The following RRP12 variants were observed in gnomAD, a reference collection of about 807,000 sequenced individuals.
The protein encoded by RRP12 is ribosomal RNA processing 12 homolog.
Under a neutral mutation model 157.3 loss-of-function variants are expected in RRP12, and 78 were observed. The ratio of observed to expected loss-of-function variants is 0.50; its 90% CI spans 0.41 to 0.60. The LOEUF (loss-of-function observed/expected upper bound fraction) is 0.60. RRP12 is among the 20% of genes least tolerant of loss of function. The probability of loss-of-function intolerance (pLI) is 0.00; values close to 1 mark genes in which losing one functional copy is unlikely to be tolerated. For missense variants in RRP12, 1,521 were observed against 1,679.9 expected, an observed-to-expected ratio of 0.91 and a Z score of 1.65; for synonymous variants, 726 against 670.9, an observed-to-expected ratio of 1.08 and a Z score of -1.27.
chr10:97,401,341 G>A (rs1196034626), upstream of RRP12: 2 of 1,387,922 alleles, frequency 1.4e-6, no homozygotes, highest in East Asian at 2.3e-5. Context: ...CTCTTCTTCT[G>A]GCGTCACTTC....
At position 97,401,339 on chromosome 10, in the gene RRP12, C is replaced by G; in HGVS notation, c.-108G>C. Reference sequence around the variant, plus strand: ...CCTGTAGCCTTCACTTCCTCTTCTTCTGGCGTCACTTCCGGATTCGTGTGC... The same window carrying G: ...CCTGTAGCCTTCACTTCCTCTTCTTGTGGCGTCACTTCCGGATTCGTGTGC... On this transcript the variant is annotated 5_prime_UTR_variant, in exon 1 of 34. Coordinates refer to ENST00000370992, the MANE Select transcript of RRP12 (RefSeq NM_015179.4). The G allele has an allele frequency of 1.4e-6, 2 of 1,389,430 alleles. No individual in the cohort carries two copies. Among genetic ancestry groups the G allele is most frequent in the Non-Finnish European group, 2.0e-6 (2 of 1,003,946 alleles). The allele number at this position is 1,389,430 out of a possible 1,614,324, so 86.1% of individuals were successfully genotyped here. A position where few individuals can be genotyped will look rare whatever the true frequency, so the allele number is the denominator to read the frequency against.
At position 97,381,400 on chromosome 10, in the gene RRP12, A is replaced by G. The variant is rs751344563; in HGVS notation, c.1404T>C (p.Val468=). 1 of 1,610,762 alleles carries G rather than the reference A, an allele frequency of 6.2e-7. No homozygotes were observed. Among genetic ancestry groups the G allele is most frequent in the Non-Finnish European group, 8.5e-7 (1 of 1,178,754 alleles). Residue 468 remains valine (V), a synonymous_variant, in exon 12 of 34, where the codon GTT becomes GTC. Coordinates refer to ENST00000370992, the MANE Select transcript of RRP12 (RefSeq NM_015179.4). ...TSSASGPAQS[V]AKMFRAVEEG... ...CATATCCTCACCTGAACATCTTGGC[A>G]ACAGATTGGGCAGGGCCTGAGGCCG...
intron 15 of RRP12, among the ~76,000 whole-genome samples, chr10:97,377,841 T>C (rs1404550003): frequency 1.6e-5 from 2 of 124,738 alleles, no homozygotes; most frequent in East Asian, 2.3e-4. Context: ...CAAGACTTCA[T>C]CTCAAAAAAA....
At chr10:97,390,584 G>A (rs1297988441) in intron 5 of RRP12, 45 bp from the exon 6 acceptor site, 2 of 1,498,818 alleles carry the variant, frequency 1.3e-6, no homozygotes, top group South Asian at 2.3e-5. Flanking sequence ...CCTCGGCCAG[G>A]AGGGAAAAGA....
chr10:97,382,763 T>C lies in RRP12; in HGVS notation c.1209-937A>G, dbSNP rs961296816. ...CACATACAACCACTTTGACTGTTTC[T>C]ATTTTTTTTTTTTTTTGAGATAGGG... On this transcript the variant is annotated intron_variant, in intron 10 of 33. Transcript: ENST00000370992. 1.2e-3 allele frequency among the ~76,000 whole-genome samples: 156 copies of C among 130,660 alleles called. 1 individual carries two copies. Among genetic ancestry groups the C allele is most frequent in the African/African-American group, 4.5e-3 (142 of 31,262 alleles). The allele number at this position is 130,660 out of a possible 152,430, so 85.7% of individuals were successfully genotyped here. A position where few individuals can be genotyped will look rare whatever the true frequency, so the allele number is the denominator to read the frequency against.
intron 25 of RRP12, among the ~76,000 whole-genome samples, chr10:97,367,938 G>C (rs965475124): frequency 7.9e-5 from 12 of 151,928 alleles, no homozygotes; most frequent in African/African-American, 2.9e-4. Flanking sequence ...TACCATACTG[G>C]CCAGGCTGGT....
chr10:97,395,647 G>C (rs1041785545), intron 3 of RRP12, among the ~76,000 whole-genome samples: 1 of 151,568 alleles, frequency 6.6e-6, no homozygotes, highest in African/African-American at 2.4e-5. Flanking sequence ...TCAGGAGTTC[G>C]AGACAAGTCT....
At chr10:97,391,835 G>A (rs1384177380) in intron 4 of RRP12, among the ~76,000 whole-genome samples, 3 of 151,460 alleles carry the variant, frequency 2.0e-5, no homozygotes, top group African/African-American at 2.4e-5. Flanking sequence ...GCACGAGAAC[G>A]GTGTGAACCC....
At chr10:97,375,977 G>A (rs528910199) in intron 15 of RRP12, among the ~76,000 whole-genome samples, 3 of 152,076 alleles carry the variant, frequency 2.0e-5, no homozygotes, top group Non-Finnish European at 2.9e-5. Context: ...GATGGTACAC[G>A]CCTGTAGACG....
At chr10:97,393,605 C>A in intron 4 of RRP12, 79 bp downstream of exon 4, 7 of 1,114,104 alleles carry the variant, frequency 6.3e-6, no homozygotes, top group Non-Finnish European at 9.6e-6. Context: ...TAACAATTCC[C>A]TGATCCTGTT....
At chr10:97,371,594 G>A (rs1029269220) in intron 20 of RRP12, 2 of 184,796 alleles carry the variant, frequency 1.1e-5, no homozygotes, top group African/African-American at 2.3e-5. Flanking sequence ...TGGCAATGGG[G>A]GCAGCTTTCA....
At position 97,358,563 on chromosome 10, in the gene RRP12, G is replaced by C; in HGVS notation, c.3765C>G (p.Pro1255=). Residue 1255 remains proline (P), a synonymous_variant, in exon 33 of 34, where the codon CCC becomes CCG. Transcript: ENST00000370992. The part of the protein sequence containing the change: ...KGRPDPYAYI[P]LNRSKLNRRK... ...TGCGGTTGAGCTTGCTTCTGTTGAGGGGGATGTAGGCATAGGGATCCGGCC... is the reference window on the plus strand; with the variant it reads ...TGCGGTTGAGCTTGCTTCTGTTGAGCGGGATGTAGGCATAGGGATCCGGCC... 1 of 1,614,018 alleles carries C rather than the reference G, an allele frequency of 6.2e-7. No homozygotes were observed. The highest frequency in any genetic ancestry group is 8.5e-7 in the Non-Finnish European group (1 of 1,179,974).
chr10:97,380,944 G>A (rs761012027), intron 12 of RRP12, 31 bp from the exon 13 acceptor site: 12 of 1,527,100 alleles, frequency 7.9e-6, no homozygotes, highest in East Asian at 4.5e-5. Flanking sequence ...TCAGGGCCAC[G>A]GTCACACCAC....
intron 2 of RRP12, among the ~76,000 whole-genome samples, chr10:97,398,435 C>A (rs1433899768): frequency 1.4e-5 from 2 of 146,292 alleles, no homozygotes; most frequent in Non-Finnish European, 3.0e-5. Context: ...GTCGCTGCAA[C>A]CTCTGCCTCC....
In RRP12 at chr10:97,358,573, G is replaced by A. The variant is rs1278767057; in HGVS notation, c.3755C>T (p.Ala1252Val). 7 of 1,613,986 alleles carry A rather than the reference G, an allele frequency of 4.3e-6. No individual in the cohort carries two copies. The highest frequency in any genetic ancestry group is 5.9e-6 in the Non-Finnish European group (7 of 1,179,956). The part of the protein sequence containing the change: ...VKKKGRPDPY[A>V]YIPLNRSKLN... Reference sequence around the variant, plus strand: ...CTTGCTTCTGTTGAGGGGGATGTAGGCATAGGGATCCGGCCGGCCTTTCTT... The same window carrying A: ...CTTGCTTCTGTTGAGGGGGATGTAGACATAGGGATCCGGCCGGCCTTTCTT... The change falls in exon 33 of 34, where the codon GCC becomes GTC. Residue 1252 changes from alanine to valine, a missense_variant. Transcript: ENST00000370992.
chr10:97,395,551 CAAAAA>C (rs879295022), intron 3 of RRP12, among the ~76,000 whole-genome samples: 2 of 118,126 alleles, frequency 1.7e-5, no homozygotes, highest in East Asian at 5.1e-4. Context: ...GACTCTGTTT[CAAAAA>C]AAAAAAAAAG....
intron 24 of RRP12, 42 bp downstream of exon 24, chr10:97,370,125 A>C (rs749754827): frequency 7.3e-7 from 1 of 1,373,860 alleles, no homozygotes; most frequent in South Asian, 1.3e-5. Context: ...GCATCTTCCT[A>C]ATCTGAGGGC....
chr10:97,373,199 C>T lies in RRP12; in HGVS notation c.2028G>A (p.Glu676=). ...AGCGACTCACTTCAGCACGGTCAGCCTCTGGTAAAAGGATCAAAGTTTGCA... is the reference window on the plus strand; with the variant it reads ...AGCGACTCACTTCAGCACGGTCAGCTTCTGGTAAAAGGATCAAAGTTTGCA... The part of the protein sequence containing the change: ...RTLITKGCQA[E]ADRAEVSRFA... Residue 676 remains glutamate (E), a splice_region_variant and synonymous_variant, in exon 18 of 34, where the codon GAG becomes GAA. Transcript: ENST00000370992. 6.2e-7 allele frequency: 1 copy of T among 1,613,974 alleles called. No individual in the cohort carries two copies.
At chr10:97,386,377 CA>C (rs1316378221) in intron 8 of RRP12, among the ~76,000 whole-genome samples, 1 of 149,516 alleles carries the variant, frequency 6.7e-6, no homozygotes, top group Non-Finnish European at 1.5e-5. Context: ...TTTATAAAGA[CA>C]GAGTCTCGTC....
Sources: allele counts gnomAD v4.1 joint callset (sites outside exome capture counted in the v4.1 genomes callset), GRCh38; gene constraint gnomAD v4.1.1; transcripts MANE v1.5; gene names NCBI Gene and HGNC (gene_info 2026-07-23, HGNC 2026-07-21).